Variants in SLC24A3 observed in about 807,000 individuals in gnomAD.
The protein encoded by SLC24A3 is sodium/potassium/calcium exchanger 3.
Under a neutral mutation model 75.8 loss-of-function variants are expected in SLC24A3, and 28 were observed. The observed-to-expected ratio is 0.37, with a 90% CI of 0.27 to 0.51. The LOEUF is 0.51. SLC24A3 is among the 20% of genes least tolerant of loss of function. The probability of loss-of-function intolerance (pLI) is 0.94; values close to 1 mark genes in which losing one functional copy is unlikely to be tolerated. For synonymous variants in SLC24A3, 372 were observed against 334.1 expected, an observed-to-expected ratio of 1.11 and a Z score of -1.24; for missense variants, 663 against 847.8, an observed-to-expected ratio of 0.78 and a Z score of 2.71.
intron 6 of SLC24A3, among the ~76,000 whole-genome samples, chr20:19,646,130 C>T (rs1208010387): frequency 6.6e-6 from 1 of 152,158 alleles, no homozygotes; most frequent in South Asian, 2.1e-4. Flanking sequence ...TCAACTTGCC[C>T]TTTGTCCTAA....
chr20:19,562,094 TCTC>T (rs1200359871), intron 3 of SLC24A3, among the ~76,000 whole-genome samples: 2 of 152,128 alleles, frequency 1.3e-5, no homozygotes, highest in Non-Finnish European at 2.9e-5. Context: ...CTTTATATGA[TCTC>T]CTGGATTCCC....
intron 6 of SLC24A3, among the ~76,000 whole-genome samples, chr20:19,638,826 C>T (rs966874625): frequency 6.6e-6 from 1 of 152,140 alleles, no homozygotes; most frequent in Non-Finnish European, 1.5e-5. Flanking sequence ...TAAGTTGGCA[C>T]GTCTGGAGTT....
At position 19,536,331 on chromosome 20, in the gene SLC24A3, T is replaced by C. The variant is rs187742042; in HGVS notation, c.348+20767T>C. ...CAAGGTTAGACCTGCCCAGAGGAAC[T>C]TTGGGAGTGTTTCTGTAAGGGGAAG... is the stretch of plus-strand genomic sequence containing the variant. On this transcript the variant is annotated intron_variant, in intron 3 of 16. Coordinates refer to ENST00000328041, the MANE Select transcript of SLC24A3 (RefSeq NM_020689.4). Among the ~76,000 whole-genome samples the C allele has an allele frequency of 1.8e-4, 27 of 152,226 alleles. No individual in the cohort carries two copies. The South Asian group carries it at 3.1e-3, about 18-fold the overall frequency.
intron 2 of SLC24A3, among the ~76,000 whole-genome samples, chr20:19,281,825 G>A (rs1393074733): frequency 6.6e-6 from 1 of 152,156 alleles, no homozygotes; most frequent in Non-Finnish European, 1.5e-5. Context: ...CATCTGTAGT[G>A]TATTCTTAAA....
At chr20:19,271,944 C>A (rs949225676) in intron 1 of SLC24A3, among the ~76,000 whole-genome samples, 1 of 152,200 alleles carries the variant, frequency 6.6e-6, no homozygotes, top group Non-Finnish European at 1.5e-5. Context: ...ATCCATGTAA[C>A]CAAAAACCTC....
chr20:19,382,149 A>G (rs1429619871), intron 2 of SLC24A3, among the ~76,000 whole-genome samples: 1 of 152,224 alleles, frequency 6.6e-6, no homozygotes, highest in Non-Finnish European at 1.5e-5. Context: ...CATGTCACCA[A>G]TTTGTATGAT....
chr20:19,711,368 A>G (rs952510734), intron 15 of SLC24A3, among the ~76,000 whole-genome samples: 1 of 151,624 alleles, frequency 6.6e-6, no homozygotes, highest in African/African-American at 2.4e-5. Context: ...GCATGCACAC[A>G]TGCAAGCAAA....
At chr20:19,432,390 C>A (rs1987119988) in intron 2 of SLC24A3, among the ~76,000 whole-genome samples, 1 of 150,842 alleles carries the variant, frequency 6.6e-6, no homozygotes, top group African/African-American at 2.4e-5. Flanking sequence ...AGAAAAAATG[C>A]CTGATTAATT....
intron 6 of SLC24A3, among the ~76,000 whole-genome samples, chr20:19,645,154 ATCTC>A (rs2122701666): frequency 6.6e-6 from 1 of 152,334 alleles, no homozygotes; most frequent in Admixed American, 6.5e-5. Context: ...ATATTAATGA[ATCTC>A]TATTTTTCAA....
At chr20:19,716,021 A>C (rs2033041669) in intron 15 of SLC24A3, among the ~76,000 whole-genome samples, 1 of 152,238 alleles carries the variant, frequency 6.6e-6, no homozygotes, top group African/African-American at 2.4e-5. Flanking sequence ...TGCTTTCTCT[A>C]AATCAGTGGT....
At chr20:19,509,950 G>A (rs1988512948) in intron 2 of SLC24A3, among the ~76,000 whole-genome samples, 1 of 152,216 alleles carries the variant, frequency 6.6e-6, no homozygotes, top group Non-Finnish European at 1.5e-5. Context: ...TTGACTCCAG[G>A]CTGACCCCTT....
At chr20:19,588,467 T>C (rs1277560151) in intron 6 of SLC24A3, among the ~76,000 whole-genome samples, 2 of 152,238 alleles carry the variant, frequency 1.3e-5, no homozygotes, top group African/African-American at 4.8e-5. Flanking sequence ...ATTAGGGTTT[T>C]GATGAATTCA....
intron 2 of SLC24A3, among the ~76,000 whole-genome samples, chr20:19,309,996 A>G (rs1984419350): frequency 1.3e-5 from 2 of 152,178 alleles, no homozygotes; most frequent in Non-Finnish European, 2.9e-5. Context: ...CCCATCCTGC[A>G]CAGTGAAAAG....
At chr20:19,523,517 G>A (rs1298622619) in intron 3 of SLC24A3, among the ~76,000 whole-genome samples, 1 of 152,176 alleles carries the variant, frequency 6.6e-6, no homozygotes, top group African/African-American at 2.4e-5. Flanking sequence ...CCTTGATCAT[G>A]AGACTTAATT....
intron 2 of SLC24A3, among the ~76,000 whole-genome samples, chr20:19,285,020 C>G (rs1161755843): frequency 6.6e-6 from 1 of 152,118 alleles, no homozygotes; most frequent in African/African-American, 2.4e-5. Context: ...TCCTCTACTC[C>G]CTCTCCCCTC....
chr20:19,537,236 CA>C (rs1490707911), intron 3 of SLC24A3, among the ~76,000 whole-genome samples: 1 of 152,174 alleles, frequency 6.6e-6, no homozygotes, highest in Non-Finnish European at 1.5e-5. Context: ...AGACACTTCT[CA>C]AAAGAAGATA....
intron 1 of SLC24A3, among the ~76,000 whole-genome samples, chr20:19,267,814 G>T (rs910766690): frequency 6.6e-6 from 1 of 152,162 alleles, no homozygotes; most frequent in African/African-American, 2.4e-5. Context: ...TGGAGCGAGG[G>T]CAGACATGGG....
rs188071984 is a variant in SLC24A3, at chr20:19,456,021, C to T, written c.272-59467C>T. ...TGTACTGGGGAAGGTAAGGTAAGTA[C>T]ATCCCACCCAGGAAGTCCTCTGTGC... On this transcript the variant is annotated intron_variant, in intron 2 of 16. Coordinates refer to ENST00000328041, the MANE Select transcript of SLC24A3 (RefSeq NM_020689.4). Among the ~76,000 whole-genome samples, 6 of 152,328 alleles carry T rather than the reference C, an allele frequency of 3.9e-5. No individual in the cohort carries two copies. In the East Asian group the frequency reaches 1.2e-3, roughly 29 times the overall value.
chr20:19,668,714 G>C (rs1283336522), intron 8 of SLC24A3, among the ~76,000 whole-genome samples: 2 of 152,196 alleles, frequency 1.3e-5, no homozygotes, highest in African/African-American at 4.8e-5. Flanking sequence ...AAAAATGGTG[G>C]TTGACAGTTA....
Sources: allele counts gnomAD v4.1 joint callset (sites outside exome capture counted in the v4.1 genomes callset), GRCh38; gene constraint gnomAD v4.1.1; transcripts MANE v1.5; gene names NCBI Gene and HGNC (gene_info 2026-07-23, HGNC 2026-07-21).